The following C3orf33 variants were observed in gnomAD, a reference collection of about 807,000 sequenced individuals.
The protein encoded by C3orf33 is AP-1 activity suppressor.
C3orf33 carries 23 observed loss-of-function variants against 28.7 expected under a neutral mutation model. The ratio of observed to expected loss-of-function variants is 0.80; its 90% CI spans 0.58 to 1.13. The LOEUF (loss-of-function observed/expected upper bound fraction) is 1.13, where lower values mean the gene tolerates loss of function less well. Among genes scored for constraint, C3orf33 ranks in the 50% most tolerant of loss-of-function variants. C3orf33 has a pLI of 0.00. For missense variants in C3orf33, 327 were observed against 353.4 expected, an observed-to-expected ratio of 0.93 and a Z score of 0.60; for synonymous variants, 119 against 120.5, an observed-to-expected ratio of 0.99 and a Z score of 0.08.
intron 2 of C3orf33, among the ~76,000 whole-genome samples, chr3:155,785,124 GA>G (rs987068470): frequency 6.0e-4 from 90 of 150,110 alleles, no homozygotes; most frequent in African/African-American, 2.1e-3. Context: ...AGTTACAACA[GA>G]AAAAAAAGGA....
chr3:155,784,219 C>T (rs540687487), intron 2 of C3orf33, among the ~76,000 whole-genome samples: 6 of 152,124 alleles, frequency 3.9e-5, no homozygotes, highest in Admixed American at 1.3e-4. Context: ...TGTGAGCCAC[C>T]GCGCCCAGCC....
chr3:155,798,955 G>C (rs73003533), intron 2 of C3orf33, among the ~76,000 whole-genome samples: 3,226 of 152,218 alleles, frequency 0.021, 121 homozygotes, highest in African/African-American at 0.073. Context: ...ATTTAAAAAT[G>C]GTCACGAGAT....
At position 155,775,835 on chromosome 3, in the gene C3orf33, G is replaced by T; in HGVS notation, c.188C>A (p.Thr63Lys). 1 of 1,589,138 alleles carries T rather than the reference G, an allele frequency of 6.3e-7. No individual in the cohort carries two copies. Among genetic ancestry groups the T allele is most frequent in the Non-Finnish European group, 8.6e-7 (1 of 1,162,888 alleles). Reference sequence around the variant, plus strand: ...TTCTACTGGAATATCCGAAGAGCTTGTAAATTTTGATGTCTATTGATTTAC... The same window carrying T: ...TTCTACTGGAATATCCGAAGAGCTTTTAAATTTTGATGTCTATTGATTTAC... ...LRSIRLTSKFTSSSDIPVEFI... is the reference protein window; with the variant it reads ...LRSIRLTSKFKSSSDIPVEFI... The change falls in exon 3 of 5, where the codon ACA (threonine) becomes AAA (lysine). Residue 63 changes from threonine (T) to lysine (K), a missense_variant. By Grantham distance (78) the Thr-to-Lys change is moderately conservative (BLOSUM62 -1). Transcript: ENST00000340171.
At chr3:155,790,724 G>A (rs1169144119) in intron 2 of C3orf33, among the ~76,000 whole-genome samples, 1 of 152,128 alleles carries the variant, frequency 6.6e-6, no homozygotes, top group Admixed American at 6.6e-5. Flanking sequence ...ACAGCAGAAA[G>A]CAACATCAGA....
chr3:155,799,024 G>A (rs1438026475), intron 2 of C3orf33, among the ~76,000 whole-genome samples: 1 of 152,150 alleles, frequency 6.6e-6, no homozygotes, highest in Non-Finnish European at 1.5e-5. Flanking sequence ...ATGAAAAGGT[G>A]CTCAACATCA....
At chr3:155,790,480 A>G (rs1047121088) in intron 2 of C3orf33, among the ~76,000 whole-genome samples, 4 of 152,186 alleles carry the variant, frequency 2.6e-5, no homozygotes, top group African/African-American at 9.6e-5. Context: ...CCCCACAGGA[A>G]TACCAATTGA....
chr3:155,805,158 T>TAA lies in C3orf33; in HGVS notation c.114+979_114+980dup, dbSNP rs57906262. Among the ~76,000 whole-genome samples the TAA allele has an allele frequency of 9.0e-3, 1,272 of 141,682 alleles. 17 individuals carry two copies. Among genetic ancestry groups the TAA allele is most frequent in the African/African-American group, 0.03 (1,154 of 37,970 alleles). 92.9% of individuals were successfully genotyped at this position (141,682 alleles called of 152,430 possible). ...AACTCCAGAGGCTTAGTGCTTCACTTAAAAAAAAAAAAAAAAAAAAAGGCA... is the reference window on the plus strand; with the variant it reads ...AACTCCAGAGGCTTAGTGCTTCACTTAAAAAAAAAAAAAAAAAAAAAAAGGCA... On this transcript the variant is annotated intron_variant, in intron 1 of 4. Coordinates refer to ENST00000340171, the MANE Select transcript of C3orf33 (RefSeq NM_001308229.2).
chr3:155,769,960 C>T (rs1340315433), intron 3 of C3orf33, among the ~76,000 whole-genome samples: 1 of 152,186 alleles, frequency 6.6e-6, no homozygotes, highest in Admixed American at 6.5e-5. Flanking sequence ...CTGTCATGCC[C>T]ATCTTTTAGT....
intron 2 of C3orf33, among the ~76,000 whole-genome samples, chr3:155,785,819 A>G (rs1262820157): frequency 6.6e-6 from 1 of 152,150 alleles, no homozygotes; most frequent in Non-Finnish European, 1.5e-5. Context: ...TGGGCAGATC[A>G]CTTGAGCTCA....
chr3:155,771,034 T>A (rs866192989), intron 3 of C3orf33, among the ~76,000 whole-genome samples: 16 of 148,066 alleles, frequency 1.1e-4, no homozygotes, highest in African/African-American at 3.6e-4. Flanking sequence ...TGTGTGTGTG[T>A]GTGTGTGTGT....
intron 1 of C3orf33, among the ~76,000 whole-genome samples, chr3:155,805,085 C>A (rs62284742): frequency 0.23 from 34,658 of 151,494 alleles, 4,210 homozygotes; most frequent in East Asian, 0.37. Context: ...TGTGTCTTAG[C>A]CACAACCCTC....
chr3:155,764,551 T>C (rs1295251713), intron 4 of C3orf33, among the ~76,000 whole-genome samples: 4 of 152,004 alleles, frequency 2.6e-5, no homozygotes, highest in Non-Finnish European at 2.9e-5. Flanking sequence ...TTCATTAATT[T>C]ACGGTATAAA....
At chr3:155,786,382 AAG>A (rs1751109314) in intron 2 of C3orf33, among the ~76,000 whole-genome samples, 1 of 152,208 alleles carries the variant, frequency 6.6e-6, no homozygotes, top group Admixed American at 6.5e-5. Flanking sequence ...GGACTAAAAA[AAG>A]AGAGAAAGGA....
At chr3:155,794,216 G>T (rs1293484702) in intron 2 of C3orf33, among the ~76,000 whole-genome samples, 1 of 151,946 alleles carries the variant, frequency 6.6e-6, no homozygotes, top group Non-Finnish European at 1.5e-5. Context: ...CCTGACCTCA[G>T]GTGATCCACC....
At chr3:155,805,675 T>C (rs777869261) in intron 1 of C3orf33, 11 of 455,460 alleles carry the variant, frequency 2.4e-5, no homozygotes, top group South Asian at 1.7e-4. Context: ...CAGTGAGCTA[T>C]GATCGTGCCA....
intron 4 of C3orf33, among the ~76,000 whole-genome samples, chr3:155,767,240 G>C (rs1286728260): frequency 6.6e-6 from 1 of 151,968 alleles, no homozygotes. Flanking sequence ...AACAGAGAGA[G>C]ACTCCATCTA....
intron 3 of C3orf33, among the ~76,000 whole-genome samples, chr3:155,770,312 G>A (rs1253786730): frequency 1.3e-5 from 2 of 152,154 alleles, no homozygotes; most frequent in African/African-American, 4.8e-5. Flanking sequence ...CAGCCCACCA[G>A]GCCAAGTGGG....
intron 2 of C3orf33, among the ~76,000 whole-genome samples, chr3:155,784,626 G>A (rs746001489): frequency 3.3e-5 from 5 of 151,916 alleles, no homozygotes; most frequent in Non-Finnish European, 5.9e-5. Context: ...TGTAATCCCA[G>A]GTACTTCGGA....
chr3:155,778,610 T>C (rs1393208438), intron 2 of C3orf33, among the ~76,000 whole-genome samples: 2 of 152,138 alleles, frequency 1.3e-5, no homozygotes, highest in Non-Finnish European at 1.5e-5. Context: ...GAATGTGAAA[T>C]ATGCAGAATA....
Sources: allele counts gnomAD v4.1 joint callset (sites outside exome capture counted in the v4.1 genomes callset), GRCh38; gene constraint gnomAD v4.1.1; transcripts MANE v1.5; gene names NCBI Gene and HGNC (gene_info 2026-07-23, HGNC 2026-07-21).